The following DAO variants were observed in gnomAD, a reference collection of about 807,000 sequenced individuals.
The protein encoded by DAO is D-amino acid oxidase.
Under a neutral mutation model 50.1 loss-of-function variants are expected in DAO, and 51 were observed. The ratio of observed to expected loss-of-function variants is 1.02; its 90% CI spans 0.81 to 1.29. DAO has a LOEUF of 1.29. Ranked by LOEUF, DAO falls within the 50% of genes most tolerant of loss-of-function variation. The pLI is 0.00. For missense variants in DAO, 436 were observed against 439.4 expected, an observed-to-expected ratio of 0.99 and a Z score of 0.07; for synonymous variants, 160 against 166.2, an observed-to-expected ratio of 0.96 and a Z score of 0.29.
chr12:108,888,757 T>C (rs1041162668), intron 3 of DAO, among the ~76,000 whole-genome samples: 3 of 152,120 alleles, frequency 2.0e-5, no homozygotes, highest in African/African-American at 7.2e-5. Flanking sequence ...CTCTGTTGCT[T>C]TCTCTCATCC....
At chr12:108,888,034 G>A (rs956694672) in intron 3 of DAO, among the ~76,000 whole-genome samples, 5 of 152,288 alleles carry the variant, frequency 3.3e-5, no homozygotes, top group Admixed American at 6.5e-5. Flanking sequence ...GGGAGGTAAG[G>A]GCTGTCCTTA....
At chr12:108,890,891 T>C (rs1158680583) in intron 5 of DAO, among the ~76,000 whole-genome samples, 2 of 152,188 alleles carry the variant, frequency 1.3e-5, no homozygotes, top group Non-Finnish European at 2.9e-5. Flanking sequence ...CGATCTTGGC[T>C]CACTGCAAGC....
intron 5 of DAO, among the ~76,000 whole-genome samples, 171 bp downstream of exon 5, chr12:108,890,444 T>A (rs553384221): frequency 1.3e-5 from 2 of 152,304 alleles, no homozygotes; most frequent in East Asian, 3.9e-4. Flanking sequence ...ACAGAGGCAA[T>A]GGATCCTGAG....
At chr12:108,898,370 C>T (rs567647498) in intron 8 of DAO, 54 of 390,218 alleles carry the variant, frequency 1.4e-4, no homozygotes, top group South Asian at 9.7e-4. Flanking sequence ...ATCTCAATGG[C>T]GATGTTACTG....
chr12:108,889,402 G>T, intron 3 of DAO, 67 bp from the exon 4 acceptor site: 1 of 1,113,014 alleles, frequency 9.0e-7, no homozygotes, highest in South Asian at 1.2e-5. Flanking sequence ...GAGCCACCTC[G>T]CCTGGCCCAT....
intron 1 of DAO, among the ~76,000 whole-genome samples, chr12:108,881,474 AACACACACACAC>A (rs59694062): frequency 2.9e-5 from 4 of 138,500 alleles, no homozygotes; most frequent in Admixed American, 7.4e-5. Context: ...TGTATTTTAA[AACACACACACAC>A]ACACACACAC....
At chr12:108,895,435 A>G (rs111205023) in intron 7 of DAO, among the ~76,000 whole-genome samples, 2,049 of 109,988 alleles carry the variant, frequency 0.019, 50 homozygotes, top group African/African-American at 0.066. Flanking sequence ...GTGTGTGCAT[A>G]TGTGTGACGG....
intron 7 of DAO, among the ~76,000 whole-genome samples, chr12:108,896,803 G>A (rs562953648): frequency 7.8e-4 from 119 of 152,318 alleles, no homozygotes; most frequent in African/African-American, 2.7e-3. Context: ...CAATGCTTCA[G>A]GGAGCAGGGG....
chr12:108,887,795 A>G (rs2039450804), intron 3 of DAO, among the ~76,000 whole-genome samples: 1 of 152,220 alleles, frequency 6.6e-6, no homozygotes, highest in Non-Finnish European at 1.5e-5. Flanking sequence ...TCTGATGCCC[A>G]GGGGAAACTA....
intron 7 of DAO, among the ~76,000 whole-genome samples, chr12:108,896,610 C>T (rs376398089): frequency 1.7e-4 from 26 of 152,024 alleles, no homozygotes; most frequent in Admixed American, 8.5e-4. Context: ...TATAATGAGA[C>T]GTGTCGGACC....
chr12:108,890,127 G>A, intron 4 of DAO, 81 bp from the exon 5 acceptor site: 1 of 1,194,286 alleles, frequency 8.4e-7, no homozygotes, highest in Non-Finnish European at 1.2e-6. Context: ...GAACAACATT[G>A]CTCCCACCTC....
intron 5 of DAO, among the ~76,000 whole-genome samples, chr12:108,892,557 C>G (rs915227709): frequency 2.0e-5 from 3 of 152,182 alleles, no homozygotes; most frequent in African/African-American, 7.2e-5. Context: ...CCTCCTCATG[C>G]CCGGCTTCTG....
At chr12:108,890,102 C>T (rs1305692395) in intron 4 of DAO, 106 bp from the exon 5 acceptor site, 3 of 970,798 alleles carry the variant, frequency 3.1e-6, no homozygotes, top group East Asian at 2.4e-5. Flanking sequence ...CCTGGCACTA[C>T]CCTTTGGGCC....
intron 7 of DAO, among the ~76,000 whole-genome samples, chr12:108,895,758 GGT>G (rs200816865): frequency 6.7e-6 from 1 of 148,866 alleles, no homozygotes; most frequent in Non-Finnish European, 1.5e-5. Context: ...TGTGTGTGAG[GGT>G]GTGTGTCTGA....
chr12:108,898,515 T>C (rs948310043), intron 8 of DAO, 164 bp from the exon 9 acceptor site: 1 of 715,472 alleles, frequency 1.4e-6, no homozygotes, highest in African/African-American at 1.7e-5. Flanking sequence ...TTGATGGAAG[T>C]GGTGATGGAA....
At chr12:108,883,603 C>T (rs1322322622) in intron 1 of DAO, 1 of 456,478 alleles carries the variant, frequency 2.2e-6, no homozygotes, top group Non-Finnish European at 4.4e-6. Flanking sequence ...CTTAAAATGA[C>T]CCTGTGAGAT....
At position 108,887,456 on chromosome 12, in the gene DAO, G is replaced by C. The variant is rs762485600; in HGVS notation, c.201G>C (p.Trp67Cys). The C allele has an allele frequency of 1.9e-6, 3 of 1,613,566 alleles. No individual in the cohort carries two copies. The East Asian group carries it at 6.7e-5, about 36-fold the overall frequency. Residue 67 changes from tryptophan to cysteine, a missense_variant, in exon 3 of 11, where the codon TGG becomes TGC. By Grantham distance (215) the Trp-to-Cys change is radical (BLOSUM62 -2). Transcript: ENST00000228476. ...CTCTTCATGACCCTTCCAGGGACTG[G>C]AGCCAACAGACCTTTGACTATCTCC... ...SDPNNPQEAD[W>C]SQQTFDYLLS...
chr12:108,896,912 C>A (rs1307051590), intron 7 of DAO, 94 bp from the exon 8 acceptor site: 3 of 916,334 alleles, frequency 3.3e-6, no homozygotes, highest in Admixed American at 1.7e-5. Context: ...ATCAGCCTGG[C>A]CACTCTTGTC....
chr12:108,882,473 A>G (rs1200478333), intron 1 of DAO, among the ~76,000 whole-genome samples: 1 of 152,170 alleles, frequency 6.6e-6, no homozygotes, highest in Non-Finnish European at 1.5e-5. Context: ...AGATTGTACC[A>G]TTGCACTCCA....
Sources: allele counts gnomAD v4.1 joint callset (sites outside exome capture counted in the v4.1 genomes callset), GRCh38; gene constraint gnomAD v4.1.1; transcripts MANE v1.5; gene names NCBI Gene and HGNC (gene_info 2026-07-23, HGNC 2026-07-21).